Variants in VPS53 observed in about 807,000 individuals in gnomAD.
VPS53 encodes VPS53 subunit of GARP complex, also known as vacuolar protein sorting-associated protein 53 homolog.
In VPS53, 70 loss-of-function variants were observed where a neutral mutation model predicts 107.0. The ratio of observed to expected loss-of-function variants is 0.65; its 90% confidence interval spans 0.54 to 0.80. The LOEUF (loss-of-function observed/expected upper bound fraction) is 0.80, where lower values mean the gene tolerates loss of function less well. Ranked by LOEUF, VPS53 falls within the 30% of genes least tolerant of loss-of-function variation. The probability of loss-of-function intolerance (pLI) is 0.00; values close to 1 mark genes in which losing one functional copy is unlikely to be tolerated. For synonymous variants in VPS53, 409 were observed against 393.3 expected (o/e 1.04, Z -0.47); for missense variants, 917 against 1,049.4 (o/e 0.87, Z 1.74).
At chr17:573,779 C>T (rs1005634746) in intron 13 of VPS53, among the ~76,000 whole-genome samples, 2 of 152,134 alleles carry the variant, frequency 1.3e-5, no homozygotes, top group African/African-American at 4.8e-5. Flanking sequence ...GGGATCAGGC[C>T]CACGCTCTTT....
chr17:610,915 G>A (rs1418215203), intron 11 of VPS53, among the ~76,000 whole-genome samples: 2 of 150,760 alleles, frequency 1.3e-5, no homozygotes, highest in African/African-American at 2.4e-5. Flanking sequence ...TCCAGCCTGG[G>A]CAACAGAGTG....
intron 17 of VPS53, among the ~76,000 whole-genome samples, chr17:550,162 G>A (rs919904530): frequency 1.3e-5 from 2 of 152,156 alleles, no homozygotes; most frequent in Admixed American, 6.5e-5. Flanking sequence ...TTCACTTGGG[G>A]TATGTGGGCC....
In VPS53 at chr17:653,363, T is replaced by A. The variant is rs1233485252; in HGVS notation, c.536A>T (p.Gln179Leu). Reference sequence around the variant, plus strand: ...GTGCTCCAGGACATTCATCACACCCTGAAGGAGATTAGCAACTTCTCCGTA... The same window carrying A: ...GTGCTCCAGGACATTCATCACACCCAGAAGGAGATTAGCAACTTCTCCGTA... ...RQYGEVANLL[Q>L]GVMNVLEHFH... Residue 179 changes from glutamine (Q) to leucine (L), a missense_variant, in exon 7 of 22, where the codon CAG becomes CTG. Physicochemically the swap from Gln to Leu is moderately radical, Grantham distance 113. Transcript: ENST00000437048. The A allele has an allele frequency of 1.2e-6, 2 of 1,614,116 alleles. No homozygotes were observed. The highest frequency in any genetic ancestry group is 2.7e-5 in the African/African-American group (2 of 74,924).
At chr17:664,242 C>T (rs1407408941) in intron 4 of VPS53, among the ~76,000 whole-genome samples, 1 of 152,062 alleles carries the variant, frequency 6.6e-6, no homozygotes, top group Non-Finnish European at 1.5e-5. Flanking sequence ...CCACACCTGG[C>T]TAATTTTTTG....
intron 2 of VPS53, among the ~76,000 whole-genome samples, chr17:703,802 C>CT (rs869170409): frequency 0.044 from 6,219 of 141,092 alleles, 179 homozygotes; most frequent in Middle Eastern, 0.073. Context: ...AATTTGGCAT[C>CT]TTTTTTTTTT....
chr17:525,996 CA>C (rs10677094), intron 19 of VPS53, among the ~76,000 whole-genome samples: 8,507 of 74,580 alleles, frequency 0.11, 136 homozygotes, highest in South Asian at 0.24. Context: ...GACATTTTCT[CA>C]AAAAAAAAAA....
Position 575,472 on chromosome 17 carries a change from C to T in VPS53, c.1313+10798G>A, listed in dbSNP as rs555831235. 5.3e-5 allele frequency among the ~76,000 whole-genome samples: 8 copies of T among 152,140 alleles called. No individual in the cohort carries two copies. In the East Asian group the frequency reaches 7.7e-4, roughly 15 times the overall value. On this transcript the variant is annotated intron_variant, in intron 13 of 21. Transcript: ENST00000437048. The stretch of plus-strand genomic sequence containing the variant: ...AGAGAACTTCCCTCAGAACCTAACG[C>T]GTTCCCAGAGAACTTCCCTCAGAAC...
intron 17 of VPS53, among the ~76,000 whole-genome samples, chr17:540,973 A>G (rs1371191768): frequency 6.6e-6 from 1 of 152,152 alleles, no homozygotes; most frequent in Non-Finnish European, 1.5e-5. Context: ...GCTTCAGTGG[A>G]TCTTGTTTTT....
intron 19 of VPS53, chr17:522,856 C>G (rs981866421): frequency 6.6e-6 from 1 of 152,200 alleles, no homozygotes; most frequent in Non-Finnish European, 1.5e-5. Flanking sequence ...AAAGCCTTAC[C>G]TACCCTGGAT....
chr17:511,959 C>T lies in VPS53; in HGVS notation c.*7169G>A, dbSNP rs1051349557. ...TTTCCACAACAGGCAGCCTCGCCAC[C>T]AGCCCCAGGAGGGAGGAAGCTCTCT... On this transcript the variant is annotated 3_prime_UTR_variant, in exon 22 of 22. Transcript: ENST00000437048. 4.6e-5 allele frequency: 7 copies of T among 152,224 alleles called. No individual in the cohort carries two copies. Among genetic ancestry groups the T allele is most frequent in the Non-Finnish European group, 8.8e-5 (6 of 68,044 alleles). 9.4% of individuals were successfully genotyped at this position (152,224 alleles called of 1,614,324 possible).
chr17:680,561 G>A (rs1447239851), intron 4 of VPS53, among the ~76,000 whole-genome samples: 1 of 152,170 alleles, frequency 6.6e-6, no homozygotes, highest in Non-Finnish European at 1.5e-5. Context: ...AGTACATGCT[G>A]AGAGGGCATA....
chr17:538,196 G>A (rs1009267922), intron 17 of VPS53: 3 of 152,284 alleles, frequency 2.0e-5, no homozygotes, highest in Non-Finnish European at 4.4e-5. Flanking sequence ...CATCCCCCAA[G>A]GGTGCATGCA....
intron 11 of VPS53, among the ~76,000 whole-genome samples, chr17:622,982 T>C (rs945659704): frequency 1.3e-5 from 2 of 151,916 alleles, no homozygotes; most frequent in African/African-American, 4.8e-5. Context: ...AGCCACTGCA[T>C]CAGACCAAAA....
At chr17:565,176 T>C (rs939822899) in intron 13 of VPS53, among the ~76,000 whole-genome samples, 2 of 151,132 alleles carry the variant, frequency 1.3e-5, no homozygotes, top group Non-Finnish European at 1.5e-5. Context: ...CCGGGGCGGG[T>C]GGATCACCTG....
At chr17:567,715 C>T (rs186770250) in intron 13 of VPS53, among the ~76,000 whole-genome samples, 186 of 151,794 alleles carry the variant, frequency 1.2e-3, no homozygotes, top group African/African-American at 3.6e-3. Flanking sequence ...AGTAAGATCC[C>T]TATCTCTAAA....
intron 1 of VPS53, among the ~76,000 whole-genome samples, chr17:713,250 G>T (rs996006101): frequency 6.6e-6 from 1 of 152,004 alleles, no homozygotes; most frequent in East Asian, 1.9e-4. Flanking sequence ...TAATGGAATT[G>T]TCCATTTCCT....
At chr17:565,741 C>A (rs910607115) in intron 13 of VPS53, among the ~76,000 whole-genome samples, 1 of 152,156 alleles carries the variant, frequency 6.6e-6, no homozygotes, top group Non-Finnish European at 1.5e-5. Context: ...GGCCTACTCC[C>A]GGTCACTGGG....
At chr17:689,277 C>A (rs1363443111) in intron 4 of VPS53, among the ~76,000 whole-genome samples, 1 of 152,028 alleles carries the variant, frequency 6.6e-6, no homozygotes, top group Non-Finnish European at 1.5e-5. Flanking sequence ...AGATCAATGC[C>A]ATGCTGGGAA....
intron 2 of VPS53, among the ~76,000 whole-genome samples, chr17:704,570 A>T (rs1973329787): frequency 6.6e-6 from 1 of 152,244 alleles, no homozygotes; most frequent in South Asian, 2.1e-4. Context: ...ATCCACAGGA[A>T]TCTGGCTTAG....
Sources: allele counts gnomAD v4.1 joint callset (sites outside exome capture counted in the v4.1 genomes callset), GRCh38; gene constraint gnomAD v4.1.1; transcripts MANE v1.5; gene names NCBI Gene and HGNC (gene_info 2026-07-23, HGNC 2026-07-21).